The following KCNB2 variants were observed in gnomAD, a reference collection of about 807,000 sequenced individuals.
KCNB2 encodes the protein potassium voltage-gated channel subfamily B member 2.
Under a neutral mutation model 61.5 loss-of-function variants are expected in KCNB2, and 15 were observed. That is an observed-to-expected ratio of 0.24 (90% CI 0.16 to 0.38). KCNB2 has a LOEUF of 0.38. Ranked by LOEUF, KCNB2 falls within the 10% of genes least tolerant of loss-of-function variation. KCNB2 has a pLI of 1.00. For synonymous variants in KCNB2, 457 were observed against 446.0 expected, an observed-to-expected ratio of 1.02 and a Z score of -0.31; for missense variants, 828 against 1,125.2, an observed-to-expected ratio of 0.74 and a Z score of 3.78.
At chr8:72,792,970 C>T (rs1808970688) in intron 2 of KCNB2, among the ~76,000 whole-genome samples, 1 of 152,010 alleles carries the variant, frequency 6.6e-6, no homozygotes, top group African/African-American at 2.4e-5. Context: ...ACAATAACAC[C>T]CTTTCCCTCT....
At chr8:72,561,905 C>A (rs186820188) in intron 1 of KCNB2, among the ~76,000 whole-genome samples, 23 of 149,688 alleles carry the variant, frequency 1.5e-4, no homozygotes, top group Admixed American at 1.3e-3. Flanking sequence ...AAAAAATATA[C>A]ATTGATTTAA....
At chr8:72,773,260 C>T (rs1396263751) in intron 2 of KCNB2, among the ~76,000 whole-genome samples, 7 of 152,200 alleles carry the variant, frequency 4.6e-5, no homozygotes, top group Non-Finnish European at 8.8e-5. Flanking sequence ...AAAACTCACC[C>T]AGCCTGCTTT....
chr8:72,561,644 G>T (rs1266640098), intron 1 of KCNB2, among the ~76,000 whole-genome samples: 1 of 135,148 alleles, frequency 7.4e-6, no homozygotes. Context: ...CAGGTTGCAG[G>T]TTTGTTGAAT....
intron 2 of KCNB2, among the ~76,000 whole-genome samples, chr8:72,796,393 TTTTATTGA>T (rs1170384204): frequency 1.3e-4 from 20 of 152,214 alleles, no homozygotes; most frequent in African/African-American, 4.8e-4. Context: ...TTTGCTCCTT[TTTTATTGA>T]GGTAAACAGC....
intron 2 of KCNB2, among the ~76,000 whole-genome samples, chr8:72,637,944 C>T (rs1805992499): frequency 1.3e-5 from 2 of 152,078 alleles, no homozygotes; most frequent in African/African-American, 4.8e-5. Flanking sequence ...ACTCATGGGC[C>T]ATATGTCAGT....
At chr8:72,617,733 A>G (rs1337439715) in intron 2 of KCNB2, among the ~76,000 whole-genome samples, 3 of 152,164 alleles carry the variant, frequency 2.0e-5, no homozygotes, top group Non-Finnish European at 4.4e-5. Context: ...TCCAGGTTGC[A>G]TGCCTTCCCC....
intron 2 of KCNB2, among the ~76,000 whole-genome samples, chr8:72,854,560 C>T (rs76618637): frequency 0.018 from 2,733 of 152,194 alleles, 76 homozygotes; most frequent in African/African-American, 0.062. Context: ...GAAACATATA[C>T]GACACCTGCC....
chr8:72,792,189 G>A (rs1158034852), intron 2 of KCNB2, among the ~76,000 whole-genome samples: 2 of 152,184 alleles, frequency 1.3e-5, no homozygotes, highest in African/African-American at 2.4e-5. Flanking sequence ...TCTGGTCTCC[G>A]CCTTGCTCCA....
intron 2 of KCNB2, among the ~76,000 whole-genome samples, chr8:72,580,014 T>G (rs1213733618): frequency 6.6e-6 from 1 of 152,250 alleles, no homozygotes; most frequent in African/African-American, 2.4e-5. Flanking sequence ...GAGTGTCTGC[T>G]ATGTGCCATA....
intron 2 of KCNB2, among the ~76,000 whole-genome samples, chr8:72,915,533 A>AT (rs1806381549): frequency 6.6e-6 from 1 of 152,202 alleles, no homozygotes; most frequent in Non-Finnish European, 1.5e-5. Flanking sequence ...CTGAACATAA[A>AT]CATAGACACA....
At chr8:72,697,759 A>C (rs1563562823) in intron 2 of KCNB2, among the ~76,000 whole-genome samples, 1 of 152,200 alleles carries the variant, frequency 6.6e-6, no homozygotes, top group Non-Finnish European at 1.5e-5. Flanking sequence ...AGTTATTCTC[A>C]TTAAAAAAAT....
At chr8:72,694,151 C>G (rs547820520) in intron 2 of KCNB2, among the ~76,000 whole-genome samples, 38 of 152,224 alleles carry the variant, frequency 2.5e-4, no homozygotes, top group African/African-American at 8.9e-4. Flanking sequence ...GTACTCTAGG[C>G]CTAATTTAAT....
At chr8:72,815,388 T>C (rs1488982383) in intron 2 of KCNB2, among the ~76,000 whole-genome samples, 2 of 152,156 alleles carry the variant, frequency 1.3e-5, no homozygotes, top group South Asian at 4.1e-4. Context: ...CATTCTTAAG[T>C]ATAAATTTTT....
intron 2 of KCNB2, among the ~76,000 whole-genome samples, chr8:72,577,368 T>A (rs1189436096): frequency 6.6e-6 from 1 of 152,094 alleles, no homozygotes; most frequent in Non-Finnish European, 1.5e-5. Context: ...TACTACCACC[T>A]CTTCATTAGA....
chr8:72,909,351 A>G (rs1806239746), intron 2 of KCNB2, among the ~76,000 whole-genome samples: 1 of 152,112 alleles, frequency 6.6e-6, no homozygotes, highest in Admixed American at 6.6e-5. Context: ...GTATGCAAAA[A>G]CTCACAGACA....
At chr8:72,868,435 A>G (rs1039823086) in intron 2 of KCNB2, among the ~76,000 whole-genome samples, 6 of 151,542 alleles carry the variant, frequency 4.0e-5, no homozygotes, top group African/African-American at 1.5e-4. Context: ...AAAATTAGCC[A>G]GGCGTGGTGG....
intron 2 of KCNB2, among the ~76,000 whole-genome samples, chr8:72,740,996 A>T (rs1373466979): frequency 6.6e-6 from 1 of 152,204 alleles, no homozygotes; most frequent in Non-Finnish European, 1.5e-5. Flanking sequence ...TACTTTTCAG[A>T]TCCATTTTCA....
At chr8:72,797,634 G>A (rs1426172097) in intron 2 of KCNB2, among the ~76,000 whole-genome samples, 1 of 152,222 alleles carries the variant, frequency 6.6e-6, no homozygotes, top group African/African-American at 2.4e-5. Context: ...GCACCTGCCA[G>A]GTTTAGAGCA....
chr8:72,925,215 T>C (rs899535361), intron 2 of KCNB2, among the ~76,000 whole-genome samples: 5 of 152,150 alleles, frequency 3.3e-5, no homozygotes, highest in Admixed American at 2.0e-4. Context: ...TGGTGATAGA[T>C]GAGATGATGA....
Sources: gnomAD v4.1 joint callset for allele counts (sites outside exome capture counted in the v4.1 genomes callset) on GRCh38, gnomAD v4.1.1 for gene constraint, MANE v1.5 for transcripts, NCBI Gene and HGNC (gene_info 2026-07-23, HGNC 2026-07-21) for gene names.